Variants in TSC22D2 observed in about 807,000 individuals in gnomAD.
The protein encoded by TSC22D2 is TSC22 domain family protein 2.
TSC22D2 carries 5 observed loss-of-function variants against 50.1 expected under a neutral mutation model. The observed-to-expected ratio is 0.10, with a 90% CI of 0.05 to 0.21. The LOEUF (loss-of-function observed/expected upper bound fraction) is 0.21, where lower values mean the gene tolerates loss of function less well. Among genes scored for constraint, TSC22D2 ranks in the 10% least tolerant of loss-of-function variants. TSC22D2 has a pLI of 1.00. For synonymous variants in TSC22D2, 501 were observed against 450.1 expected (o/e 1.11, Z -1.43); for missense variants, 1,003 against 1,015.5 (o/e 0.99, Z 0.17).
chr3:150,421,214 G>T (rs115352762), intron 1 of TSC22D2, among the ~76,000 whole-genome samples: 2 of 152,068 alleles, frequency 1.3e-5, no homozygotes, highest in Admixed American at 1.3e-4. Flanking sequence ...TTATTCTTTT[G>T]TATATACTAC....
chr3:150,432,909 TTG>T (rs895597810), intron 1 of TSC22D2, among the ~76,000 whole-genome samples: 1 of 152,166 alleles, frequency 6.6e-6, no homozygotes, highest in Non-Finnish European at 1.5e-5. Flanking sequence ...TTCTTTTTGT[TTG>T]TGTGCATAAA....
At chr3:150,416,286 ATACT>A (rs1482456264) in intron 1 of TSC22D2, among the ~76,000 whole-genome samples, 3 of 152,184 alleles carry the variant, frequency 2.0e-5, no homozygotes, top group Non-Finnish European at 4.4e-5. Context: ...TACTCGTTAA[ATACT>A]TAAAGTATGA....
intron 1 of TSC22D2, among the ~76,000 whole-genome samples, chr3:150,454,346 A>G (rs1721126984): frequency 6.6e-6 from 1 of 152,242 alleles, no homozygotes; most frequent in Admixed American, 6.5e-5. Context: ...CACAATAGGC[A>G]GATGGAGTAT....
At chr3:150,456,594 T>C (rs1559852289) in intron 1 of TSC22D2, among the ~76,000 whole-genome samples, 1 of 150,230 alleles carries the variant, frequency 6.7e-6, no homozygotes, top group Middle Eastern at 3.4e-3. Flanking sequence ...ATAAAACTTA[T>C]ACCAGAAAAG....
intron 1 of TSC22D2, among the ~76,000 whole-genome samples, chr3:150,420,815 C>T (rs989986165): frequency 1.4e-5 from 2 of 148,116 alleles, no homozygotes; most frequent in East Asian, 3.9e-4. Flanking sequence ...GGTGTGGTGG[C>T]TCATGCCTGT....
rs978495676 is a variant in TSC22D2 at position 150,464,555 on chromosome 3, T to C, written c.*5919T>C. The stretch of plus-strand genomic sequence containing the variant: ...TCCAATGAGCTCAGTCCAGTGTAAG[T>C]GTAAAAGTTAAAGTGCCATATTGTT... On this transcript the variant is annotated 3_prime_UTR_variant, in exon 3 of 3. Coordinates refer to ENST00000688009, the MANE Select transcript of TSC22D2 (RefSeq NM_001303264.2). 1.3e-5 allele frequency: 2 copies of C among 152,166 alleles called. No individual in the cohort carries two copies. Among genetic ancestry groups the C allele is most frequent in the East Asian group, 1.9e-4 (1 of 5,196 alleles). 9.4% of individuals were successfully genotyped at this position (152,166 alleles called of 1,614,324 possible).
intron 1 of TSC22D2, among the ~76,000 whole-genome samples, chr3:150,414,456 A>G (rs1191906560): frequency 6.6e-6 from 1 of 152,208 alleles, no homozygotes; most frequent in Non-Finnish European, 1.5e-5. Context: ...TAGCCAACCA[A>G]TGTGAACTCT....
In TSC22D2 at chr3:150,411,069, A is replaced by G; in HGVS notation, c.1719A>G (p.Pro573=). Residue 573 remains proline (P), a synonymous_variant, in exon 1 of 3, where the codon CCA becomes CCG. Coordinates refer to ENST00000688009, the MANE Select transcript of TSC22D2 (RefSeq NM_001303264.2). The part of the protein sequence containing the change: ...PGTHSAPTSL[P]QSDLSQFQTQ... ...CACACAGCGCACCAACAAGTCTACC[A>G]CAGTCTGACCTAAGCCAGTTTCAAA... 6.2e-7 allele frequency: 1 copy of G among 1,614,170 alleles called. No individual in the cohort carries two copies. The highest frequency in any genetic ancestry group is 1.7e-5 in the Admixed American group (1 of 60,026).
chr3:150,418,220 A>G (rs1719888800), intron 1 of TSC22D2, among the ~76,000 whole-genome samples: 1 of 151,988 alleles, frequency 6.6e-6, no homozygotes, highest in Non-Finnish European at 1.5e-5. Context: ...GCACTGGAAT[A>G]CAAATATGAG....
chr3:150,418,567 A>C (rs1352898799), intron 1 of TSC22D2, among the ~76,000 whole-genome samples: 1 of 151,874 alleles, frequency 6.6e-6, no homozygotes, highest in Non-Finnish European at 1.5e-5. Context: ...TCTTGAACTA[A>C]ATCTTAAAAT....
At chr3:150,412,373 G>T (rs1328909047) in intron 1 of TSC22D2, among the ~76,000 whole-genome samples, 1 of 152,184 alleles carries the variant, frequency 6.6e-6, no homozygotes, top group Admixed American at 6.5e-5. Flanking sequence ...GTTTTTAAAA[G>T]ATACAAACTA....
chr3:150,453,025 G>C (rs557885735), intron 1 of TSC22D2, among the ~76,000 whole-genome samples: 62 of 152,204 alleles, frequency 4.1e-4, no homozygotes, highest in African/African-American at 1.4e-3. Context: ...TTCTGTAGCA[G>C]TAATTGTAAC....
chr3:150,433,880 G>A (rs974272427), intron 1 of TSC22D2, among the ~76,000 whole-genome samples: 1 of 152,098 alleles, frequency 6.6e-6, no homozygotes, highest in African/African-American at 2.4e-5. Context: ...TTTGAGTCCA[G>A]CCTGGGCAAC....
At chr3:150,429,309 G>A (rs1239950296) in intron 1 of TSC22D2, among the ~76,000 whole-genome samples, 2 of 152,114 alleles carry the variant, frequency 1.3e-5, no homozygotes, top group Non-Finnish European at 1.5e-5. Flanking sequence ...CCATGCTGAT[G>A]ATTTCAGCAG....
intron 1 of TSC22D2, among the ~76,000 whole-genome samples, chr3:150,418,375 T>TGGGA (rs1293744548): frequency 1.3e-5 from 2 of 151,954 alleles, no homozygotes; most frequent in African/African-American, 4.8e-5. Context: ...AGATTGGGAT[T>TGGGA]GGGAGGGTAG....
intron 1 of TSC22D2, among the ~76,000 whole-genome samples, chr3:150,455,886 GTT>G (rs558003706): frequency 7.7e-4 from 117 of 151,462 alleles, no homozygotes; most frequent in Non-Finnish European, 1.3e-3. Context: ...CCTAATAACT[GTT>G]TTTAGAAATA....
intron 1 of TSC22D2, among the ~76,000 whole-genome samples, chr3:150,423,925 T>G (rs1456162258): frequency 6.6e-6 from 1 of 152,194 alleles, no homozygotes; most frequent in Non-Finnish European, 1.5e-5. Flanking sequence ...GGCAACGCAT[T>G]TGTGTCTTCT....
rs749578070 is a variant in TSC22D2, at chr3:150,411,114, C to A, written c.1764C>A (p.Val588=). The A allele has an allele frequency of 1.2e-6, 2 of 1,613,986 alleles. No homozygotes were observed. The highest frequency in any genetic ancestry group is 2.2e-5 in the East Asian group (1 of 44,890). The change falls in exon 1 of 3, where the codon GTC becomes GTA. Residue 588 remains valine (V), a synonymous_variant. Transcript: ENST00000688009. The part of the protein sequence containing the change: ...SQFQTQTQPL[V]GQVDDTRRKS... Reference sequence around the variant, plus strand: ...TTCAAACTCAGACCCAGCCTTTAGTCGGGCAAGTCGACGATACTAGAAGAA... The same window carrying A: ...TTCAAACTCAGACCCAGCCTTTAGTAGGGCAAGTCGACGATACTAGAAGAA...
At chr3:150,429,165 T>C (rs539839008) in intron 1 of TSC22D2, among the ~76,000 whole-genome samples, 1 of 152,236 alleles carries the variant, frequency 6.6e-6, no homozygotes, top group African/African-American at 2.4e-5. Flanking sequence ...AGGCAGTAAA[T>C]GTTGATCTGA....
Sources: allele counts gnomAD v4.1 joint callset (sites outside exome capture counted in the v4.1 genomes callset), GRCh38; gene constraint gnomAD v4.1.1; transcripts MANE v1.5; gene names NCBI Gene and HGNC (gene_info 2026-07-23, HGNC 2026-07-21).